ZDHHC14: variants seen among roughly 807,000 people sequenced by gnomAD.
The protein encoded by ZDHHC14 is zDHHC palmitoyltransferase 14.
In ZDHHC14, 16 loss-of-function variants were observed where a neutral mutation model predicts 47.7. That is an observed-to-expected ratio of 0.34 (90% confidence interval 0.23 to 0.51). The LOEUF is 0.51. Ranked by LOEUF, ZDHHC14 falls within the 20% of genes least tolerant of loss-of-function variation. The pLI is 0.97. For synonymous variants in ZDHHC14, 293 were observed against 278.9 expected (o/e 1.05, Z -0.50); for missense variants, 515 against 662.5 (o/e 0.78, Z 2.44).
intron 1 of ZDHHC14, among the ~76,000 whole-genome samples, chr6:157,439,620 A>T (rs1562425341): frequency 6.6e-6 from 1 of 152,204 alleles, no homozygotes; most frequent in East Asian, 1.9e-4. Flanking sequence ...AAAGACCTAG[A>T]GCCAGAAATA....
chr6:157,455,021 C>T (rs1778880667), intron 1 of ZDHHC14, among the ~76,000 whole-genome samples: 1 of 152,196 alleles, frequency 6.6e-6, no homozygotes, highest in African/African-American at 2.4e-5. Flanking sequence ...TTAACACTCT[C>T]ATTTATCGCA....
At chr6:157,634,250 G>A (rs1221497600) in intron 5 of ZDHHC14, among the ~76,000 whole-genome samples, 1 of 152,054 alleles carries the variant, frequency 6.6e-6, no homozygotes, top group Non-Finnish European at 1.5e-5. Flanking sequence ...CTGTGGATGG[G>A]GCCTGGGACA....
intron 3 of ZDHHC14, among the ~76,000 whole-genome samples, chr6:157,611,984 G>A (rs1321545995): frequency 2.0e-5 from 3 of 152,116 alleles, no homozygotes; most frequent in South Asian, 2.1e-4. Context: ...GCAGCTTCCC[G>A]CTGGACATGT....
intron 1 of ZDHHC14, among the ~76,000 whole-genome samples, chr6:157,480,272 T>TG (rs1779593370): frequency 6.9e-6 from 1 of 144,310 alleles, no homozygotes; most frequent in Non-Finnish European, 1.5e-5. Context: ...TTTTTTTTTT[T>TG]GCTTTTTTTT....
intron 1 of ZDHHC14, among the ~76,000 whole-genome samples, chr6:157,425,533 C>T (rs75603475): frequency 6.6e-6 from 1 of 152,106 alleles, no homozygotes; most frequent in Admixed American, 6.5e-5. Flanking sequence ...TAGTGAAATG[C>T]GACTAGTGTT....
intron 3 of ZDHHC14, among the ~76,000 whole-genome samples, chr6:157,598,409 T>C (rs1784214619): frequency 6.6e-6 from 1 of 152,184 alleles, no homozygotes; most frequent in Non-Finnish European, 1.5e-5. Context: ...TATCTCTTCA[T>C]TTCACCAACA....
chr6:157,581,585 A>G (rs1456167725), intron 2 of ZDHHC14, among the ~76,000 whole-genome samples: 2 of 152,118 alleles, frequency 1.3e-5, no homozygotes, highest in South Asian at 2.1e-4. Context: ...AGCTTGCTTT[A>G]TTAATCTAGG....
At chr6:157,532,108 C>T (rs544938180) in intron 1 of ZDHHC14, among the ~76,000 whole-genome samples, 180 of 152,312 alleles carry the variant, frequency 1.2e-3, no homozygotes, top group African/African-American at 4.0e-3. Context: ...GCACAGCAGG[C>T]GTCTCCTGGT....
At chr6:157,608,744 G>A (rs1343544809) in intron 3 of ZDHHC14, among the ~76,000 whole-genome samples, 4 of 152,196 alleles carry the variant, frequency 2.6e-5, no homozygotes, top group African/African-American at 7.2e-5. Flanking sequence ...GACAAAAGTG[G>A]CCTTATCAAA....
intron 8 of ZDHHC14, among the ~76,000 whole-genome samples, chr6:157,654,808 T>G (rs1296766511): frequency 6.6e-6 from 1 of 151,826 alleles, no homozygotes; most frequent in African/African-American, 2.4e-5. Flanking sequence ...TGATGTCAGC[T>G]CACTGCAACC....
chr6:157,620,610 G>A (rs1391141941), intron 3 of ZDHHC14, among the ~76,000 whole-genome samples: 3 of 152,216 alleles, frequency 2.0e-5, no homozygotes, highest in Admixed American at 6.5e-5. Flanking sequence ...TCCACACATG[G>A]GCAGGTTCTT....
At chr6:157,548,794 G>A (rs1396381623) in intron 2 of ZDHHC14, among the ~76,000 whole-genome samples, 1 of 152,108 alleles carries the variant, frequency 6.6e-6, no homozygotes, top group African/African-American at 2.4e-5. Context: ...GTAGCCTTTG[G>A]GCTTCCTCCT....
chr6:157,518,604 T>C (rs1228837514), intron 1 of ZDHHC14, among the ~76,000 whole-genome samples: 1 of 152,172 alleles, frequency 6.6e-6, no homozygotes, highest in African/African-American at 2.4e-5. Context: ...CACCAGCGGA[T>C]GGGGCTCAGC....
intron 1 of ZDHHC14, among the ~76,000 whole-genome samples, chr6:157,456,937 T>A (rs1212937064): frequency 6.6e-6 from 1 of 151,890 alleles, no homozygotes; most frequent in Non-Finnish European, 1.5e-5. Context: ...TCACCTGATG[T>A]CAGGAGTTCG....
In ZDHHC14 at chr6:157,427,311, G is replaced by A. The variant is rs1778242368; in HGVS notation, c.245+45045G>A. On this transcript the variant is annotated intron_variant, in intron 1 of 8. Coordinates refer to ENST00000359775, the MANE Select transcript of ZDHHC14 (RefSeq NM_024630.3). This position sits in a 1 kb window ranked among gnomAD's most constrained non-coding sequence, Gnocchi z 4.4. Reference sequence around the variant, plus strand: ...TACAGCAAGTGGGCAGAGATGTGAGGGTTGGGGTCTCAGCGTTTGGAAATG... The same window carrying A: ...TACAGCAAGTGGGCAGAGATGTGAGAGTTGGGGTCTCAGCGTTTGGAAATG... Among the ~76,000 whole-genome samples the A allele has an allele frequency of 6.6e-6, 1 of 152,170 alleles. No homozygotes were observed. Among genetic ancestry groups the A allele is most frequent in the African/African-American group, 2.4e-5 (1 of 41,430 alleles).
chr6:157,636,886 C>G (rs561320727), intron 5 of ZDHHC14, among the ~76,000 whole-genome samples: 1 of 152,220 alleles, frequency 6.6e-6, no homozygotes, highest in Non-Finnish European at 1.5e-5. Context: ...CGGTGTGCCA[C>G]TGACGCCCCT....
At chr6:157,388,095 T>G (rs1487976267) in intron 1 of ZDHHC14, among the ~76,000 whole-genome samples, 1 of 152,210 alleles carries the variant, frequency 6.6e-6, no homozygotes, top group South Asian at 2.1e-4. Flanking sequence ...CTTTCTAGTA[T>G]TTATTTTTGA....
intron 3 of ZDHHC14, among the ~76,000 whole-genome samples, chr6:157,609,502 T>C (rs1784674185): frequency 6.6e-6 from 1 of 152,200 alleles, no homozygotes; most frequent in African/African-American, 2.4e-5. Context: ...TCTCTCTCTT[T>C]TGCCCGGTGA....
chr6:157,628,709 C>T, intron 4 of ZDHHC14: 1 of 557,212 alleles, frequency 1.8e-6, no homozygotes. Flanking sequence ...TCTTTCACAG[C>T]ACTTTCCAGG....
Sources: allele counts gnomAD v4.1 joint callset (sites outside exome capture counted in the v4.1 genomes callset), GRCh38; gene constraint gnomAD v4.1.1; non-coding constraint Gnocchi (gnomAD v3.1); transcripts MANE v1.5; gene names NCBI Gene and HGNC (gene_info 2026-07-23, HGNC 2026-07-21).